CTNNA2: variants seen among roughly 807,000 people sequenced by gnomAD.
CTNNA2 encodes catenin alpha-2.
Under a neutral mutation model 101.0 loss-of-function variants are expected in CTNNA2, and 42 were observed. The ratio of observed to expected loss-of-function variants is 0.42; its 90% CI spans 0.32 to 0.54. The LOEUF is 0.54. CTNNA2 is among the 20% of genes least tolerant of loss of function. CTNNA2 has a pLI of 0.14. For synonymous variants in CTNNA2, 450 were observed against 456.4 expected (o/e 0.99, Z 0.18); for missense variants, 871 against 1,223.1 (o/e 0.71, Z 4.29).
intron 7 of CTNNA2, among the ~76,000 whole-genome samples, chr2:80,146,725 T>G (rs1018605701): frequency 6.8e-4 from 78 of 114,242 alleles, no homozygotes; most frequent in African/African-American, 2.2e-3. Context: ...TTTTTTTTTT[T>G]TTTTTTTTTT....
At chr2:80,564,737 G>A (rs1230061284) in intron 12 of CTNNA2, among the ~76,000 whole-genome samples, 1 of 152,172 alleles carries the variant, frequency 6.6e-6, no homozygotes, top group Non-Finnish European at 1.5e-5. Context: ...AAGAATGTAT[G>A]CAGGAAGAAT....
intron 7 of CTNNA2, among the ~76,000 whole-genome samples, chr2:80,343,326 C>A (rs538762127): frequency 6.5e-4 from 98 of 151,004 alleles, no homozygotes; most frequent in Middle Eastern, 3.4e-3. Flanking sequence ...TAGATGTTCT[C>A]TTAAGATCAT....
intron 1 of CTNNA2, among the ~76,000 whole-genome samples, chr2:79,641,216 A>G (rs1255978321): frequency 6.6e-6 from 1 of 152,212 alleles, no homozygotes; most frequent in Non-Finnish European, 1.5e-5. Flanking sequence ...AGCAATGTTT[A>G]GGATAATTAG....
chr2:80,303,133 G>T lies in CTNNA2; in HGVS notation c.1057-90078G>T. The T allele has an allele frequency of 1.2e-6, 2 of 1,614,126 alleles. No homozygotes were observed. The highest frequency in any genetic ancestry group is 1.7e-6 in the Non-Finnish European group (2 of 1,180,034). On this transcript the variant is annotated intron_variant, in intron 7 of 18. Coordinates refer to ENST00000402739, the MANE Select transcript of CTNNA2 (RefSeq NM_001282597.3). The surrounding 1 kb of genome is among the most constrained non-coding windows in gnomAD (Gnocchi z 7.7). Reference sequence around the variant, plus strand: ...GCGAGTGCAGGGAGATGAGGCGCGGGAAGTGGGCGAAGTTCACCTTGACCA... The same window carrying T: ...GCGAGTGCAGGGAGATGAGGCGCGGTAAGTGGGCGAAGTTCACCTTGACCA...
chr2:80,533,118 A>G (rs149285793), intron 9 of CTNNA2, among the ~76,000 whole-genome samples: 8 of 152,348 alleles, frequency 5.3e-5, no homozygotes, highest in African/African-American at 1.9e-4. Context: ...TATACATCTA[A>G]TTCCGTGTGT....
intron 7 of CTNNA2, among the ~76,000 whole-genome samples, chr2:80,012,249 C>T (rs1368449416): frequency 6.6e-6 from 1 of 152,138 alleles, no homozygotes; most frequent in Admixed American, 6.5e-5. Flanking sequence ...AGAGGAAACC[C>T]AGCAGTTAGA....
At chr2:80,285,150 C>A (rs894121314) in intron 7 of CTNNA2, among the ~76,000 whole-genome samples, 1 of 152,128 alleles carries the variant, frequency 6.6e-6, no homozygotes, top group Admixed American at 6.5e-5. Flanking sequence ...CTGGCAAAAC[C>A]AGACCATGAT....
chr2:79,871,915 T>C (rs1453151332), intron 5 of CTNNA2, among the ~76,000 whole-genome samples: 1 of 152,206 alleles, frequency 6.6e-6, no homozygotes, highest in East Asian at 1.9e-4. Flanking sequence ...ACATTATTTA[T>C]TTTTACTTCA....
At chr2:80,339,594 A>G (rs961129701) in intron 7 of CTNNA2, among the ~76,000 whole-genome samples, 1 of 152,170 alleles carries the variant, frequency 6.6e-6, no homozygotes, top group Non-Finnish European at 1.5e-5. Flanking sequence ...TCAAGAATAT[A>G]TGTTGCATAT....
In CTNNA2 at chr2:80,273,732, G is replaced by A. The variant is rs76454379; in HGVS notation, c.1057-119479G>A. On this transcript the variant is annotated intron_variant, in intron 7 of 18. Transcript: ENST00000402739. The stretch of plus-strand genomic sequence containing the variant: ...CAATAGTCTCCTCTGCTTGCAATAG[G>A]TATCTGTTTGCTTTGCTTCTTTGGT... 3.0e-3 allele frequency among the ~76,000 whole-genome samples: 449 copies of A among 152,082 alleles called. 2 individuals carry two copies. Among genetic ancestry groups the A allele is most frequent in the African/African-American group, 0.01 (427 of 41,490 alleles).
At chr2:80,268,884 G>A (rs1673224584) in intron 7 of CTNNA2, among the ~76,000 whole-genome samples, 1 of 152,168 alleles carries the variant, frequency 6.6e-6, no homozygotes, top group African/African-American at 2.4e-5. Flanking sequence ...TCAGGATGCT[G>A]GAAGTGCTGG....
intron 1 of CTNNA2, among the ~76,000 whole-genome samples, chr2:79,578,754 AGTT>A (rs796213089): frequency 3.1e-4 from 47 of 152,190 alleles, no homozygotes; most frequent in African/African-American, 1.1e-3. Context: ...AAGTCACTAA[AGTT>A]TGTCTTAACT....
intron 2 of CTNNA2, among the ~76,000 whole-genome samples, chr2:79,658,154 T>C (rs1681753980): frequency 6.6e-6 from 1 of 152,000 alleles, no homozygotes; most frequent in African/African-American, 2.4e-5. Context: ...TTTAATTTCA[T>C]TTGCAGTTTT....
chr2:79,392,381 A>C (rs941987614), intron 4 of CTNNA2, among the ~76,000 whole-genome samples: 8 of 152,208 alleles, frequency 5.3e-5, no homozygotes, highest in Non-Finnish European at 8.8e-5. Flanking sequence ...AATCTCAAAA[A>C]TACACTAAAG....
intron 6 of CTNNA2, 29 bp downstream of exon 6, chr2:79,874,371 G>T (rs1682837196): frequency 6.3e-7 from 1 of 1,592,410 alleles, no homozygotes. Context: ...TACACAGAGG[G>T]GTGGGCACTG....
At chr2:79,806,130 C>A (rs898335029) in intron 3 of CTNNA2, among the ~76,000 whole-genome samples, 2 of 151,948 alleles carry the variant, frequency 1.3e-5, no homozygotes, top group African/African-American at 4.8e-5. Flanking sequence ...ACTATAGATT[C>A]AAATGCCATG....
chr2:79,820,083 G>T (rs1190908024), intron 3 of CTNNA2, among the ~76,000 whole-genome samples: 1 of 118,602 alleles, frequency 8.4e-6, no homozygotes, highest in Non-Finnish European at 1.7e-5. Flanking sequence ...ATAAATATAT[G>T]TAATATGTGA....
intron 7 of CTNNA2, among the ~76,000 whole-genome samples, chr2:80,164,299 T>A (rs1304535699): frequency 6.6e-6 from 1 of 151,986 alleles, no homozygotes; most frequent in Non-Finnish European, 1.5e-5. Flanking sequence ...GTTTTACTTA[T>A]CTATAATATA....
chr2:80,120,057 A>G (rs1573138761), intron 7 of CTNNA2, among the ~76,000 whole-genome samples: 2 of 152,216 alleles, frequency 1.3e-5, no homozygotes, highest in African/African-American at 4.8e-5. Context: ...TAGGCTCTGC[A>G]TTGCTGAGGA....
Sources: gnomAD v4.1 joint callset for allele counts (sites outside exome capture counted in the v4.1 genomes callset) on GRCh38, gnomAD v4.1.1 for gene constraint, Gnocchi (gnomAD v3.1) non-coding constraint, MANE v1.5 for transcripts, NCBI Gene and HGNC (gene_info 2026-07-23, HGNC 2026-07-21) for gene names.